Variants in RASAL2 observed in about 807,000 individuals in gnomAD.
RASAL2 encodes the protein RAS protein activator like 2, also known as ras GTPase-activating protein nGAP.
RASAL2 carries 58 observed loss-of-function variants against 128.9 expected under a neutral mutation model. The observed-to-expected ratio is 0.45, with a 90% CI of 0.36 to 0.56. The LOEUF is 0.56. Ranked by LOEUF, RASAL2 falls within the 20% of genes least tolerant of loss-of-function variation. RASAL2 has a pLI of 0.00. For synonymous variants in RASAL2, 561 were observed against 580.8 expected, an observed-to-expected ratio of 0.97 and a Z score of 0.49; for missense variants, 1,360 against 1,601.6, an observed-to-expected ratio of 0.85 and a Z score of 2.57.
At chr1:178,299,067 C>T (rs951114908) in intron 2 of RASAL2, among the ~76,000 whole-genome samples, 3 of 151,742 alleles carry the variant, frequency 2.0e-5, no homozygotes, top group East Asian at 1.9e-4. Context: ...TGCAAATAAC[C>T]GCTTGATATG....
chr1:178,097,886 C>T (rs1189517458), intron 1 of RASAL2, among the ~76,000 whole-genome samples: 1 of 152,040 alleles, frequency 6.6e-6, no homozygotes, highest in Non-Finnish European at 1.5e-5. Context: ...TGTCATAATA[C>T]GTATACTCAG....
At chr1:178,328,925 C>T (rs1669163669) in intron 3 of RASAL2, among the ~76,000 whole-genome samples, 1 of 152,156 alleles carries the variant, frequency 6.6e-6, no homozygotes, top group Admixed American at 6.5e-5. Context: ...TCTTCCTCTC[C>T]CCAGCTATAT....
At position 178,445,661 on chromosome 1, in the gene RASAL2, G is replaced by A; in HGVS notation, c.1626G>A (p.Leu542=). The change falls in exon 9 of 18, where the codon CTG becomes CTA. Residue 542 remains leucine (L), a splice_region_variant and synonymous_variant. Transcript: ENST00000367649. ...GACAACAGTATCTTCATGACGCACT[G>A]GGTATGAAAGAGAAAAACATCTATT... ...LVGQQYLHDA[L]GEFIKALYES... is the part of the protein sequence containing the mutation. 6.3e-7 allele frequency: 1 copy of A among 1,598,446 alleles called. No individual in the cohort carries two copies. The highest frequency in any genetic ancestry group is 8.5e-7 in the Non-Finnish European group (1 of 1,174,086).
At chr1:178,242,599 C>T (rs1359322952) in intron 1 of RASAL2, among the ~76,000 whole-genome samples, 1 of 151,960 alleles carries the variant, frequency 6.6e-6, no homozygotes, top group Non-Finnish European at 1.5e-5. Context: ...ATGCCTGGCC[C>T]ACTTACATTC....
intron 2 of RASAL2, among the ~76,000 whole-genome samples, chr1:178,294,410 C>T (rs1243856963): frequency 6.6e-6 from 1 of 152,160 alleles, no homozygotes; most frequent in Non-Finnish European, 1.5e-5. Flanking sequence ...CATTTTGGAA[C>T]TATTATGATA....
chr1:178,272,087 G>T (rs1157435427), intron 1 of RASAL2, among the ~76,000 whole-genome samples: 1 of 152,050 alleles, frequency 6.6e-6, no homozygotes. Context: ...GTGTTTATCA[G>T]AATTATTTTA....
chr1:178,192,666 C>T (rs899527176), intron 1 of RASAL2, among the ~76,000 whole-genome samples: 1 of 152,088 alleles, frequency 6.6e-6, no homozygotes, highest in East Asian at 1.9e-4. Context: ...AAGGTAGAAA[C>T]GAGTCTAAAA....
In RASAL2 at chr1:178,423,708, A is replaced by G. The variant is rs567652168; in HGVS notation, c.674+3088A>G. Among the ~76,000 whole-genome samples, 4 of 152,138 alleles carry G rather than the reference A, an allele frequency of 2.6e-5. No individual in the cohort carries two copies. The East Asian group carries it at 7.7e-4, about 29-fold the overall frequency. ...TTACTGTGTATTGCCTCTCTAAAAGATGGGATGGGGGGGGATTTCTTTGTT... is the reference window on the plus strand; with the variant it reads ...TTACTGTGTATTGCCTCTCTAAAAGGTGGGATGGGGGGGGATTTCTTTGTT... On this transcript the variant is annotated intron_variant, in intron 5 of 17. Transcript: ENST00000367649.
chr1:178,428,335 T>G (rs1675660249), intron 5 of RASAL2, among the ~76,000 whole-genome samples: 1 of 152,018 alleles, frequency 6.6e-6, no homozygotes, highest in Non-Finnish European at 1.5e-5. Context: ...TGTACATGTT[T>G]AGGTTTGTAA....
chr1:178,334,525 T>A (rs565730912), intron 3 of RASAL2, among the ~76,000 whole-genome samples: 3 of 151,976 alleles, frequency 2.0e-5, no homozygotes, highest in South Asian at 4.2e-4. Flanking sequence ...TTTTAATAGA[T>A]AGAATCAGGG....
intron 3 of RASAL2, among the ~76,000 whole-genome samples, chr1:178,303,700 C>T (rs1391086336): frequency 6.6e-6 from 1 of 151,418 alleles, no homozygotes; most frequent in Non-Finnish European, 1.5e-5. Context: ...AAAAGGCAAA[C>T]CACAGAGTAG....
At chr1:178,456,590 C>A in intron 12 of RASAL2, 131 bp from the exon 13 acceptor site, 1 of 924,188 alleles carries the variant, frequency 1.1e-6, no homozygotes, top group Non-Finnish European at 1.8e-6. Context: ...ACCTGCCACT[C>A]CCATATGCAA....
Position 178,381,104 on chromosome 1 carries a change from T to C in RASAL2, c.458-8996T>C, listed in dbSNP as rs147946322. 1.3e-4 allele frequency among the ~76,000 whole-genome samples: 20 copies of C among 152,188 alleles called. No homozygotes were observed. The East Asian group carries it at 3.7e-3, about 28-fold the overall frequency. ...TTAGAGATCATCTGACTGAGGCAAA[T>C]TGTAGAAAACTGTTGGCAGAAAGGA... On this transcript the variant is annotated intron_variant, in intron 3 of 17. Transcript: ENST00000367649.
intron 6 of RASAL2, 43 bp from the exon 7 acceptor site, chr1:178,441,506 A>G (rs1676649140): frequency 6.9e-7 from 1 of 1,438,922 alleles, no homozygotes; most frequent in Admixed American, 1.7e-5. Flanking sequence ...GAGCCCTGAA[A>G]TCCAGTGTTT....
intron 1 of RASAL2, among the ~76,000 whole-genome samples, chr1:178,182,608 A>G (rs1662153421): frequency 6.6e-6 from 1 of 152,178 alleles, no homozygotes; most frequent in Admixed American, 6.5e-5. Context: ...ATCCATTACT[A>G]TCTGGATCAT....
intron 1 of RASAL2, among the ~76,000 whole-genome samples, chr1:178,106,370 C>T (rs1659090222): frequency 6.6e-6 from 1 of 152,066 alleles, no homozygotes; most frequent in African/African-American, 2.4e-5. Context: ...CTGTGTACAA[C>T]TTTATGTGTA....
At chr1:178,243,139 A>G (rs1017421706) in intron 1 of RASAL2, among the ~76,000 whole-genome samples, 13 of 152,126 alleles carry the variant, frequency 8.5e-5, no homozygotes, top group Admixed American at 2.0e-4. Context: ...GAGTTGCCCT[A>G]CTCAAGTTTA....
chr1:178,263,411 A>G (rs1332173743), intron 1 of RASAL2, among the ~76,000 whole-genome samples: 2 of 152,224 alleles, frequency 1.3e-5, no homozygotes, highest in East Asian at 3.8e-4. Context: ...AGCTCTAAGA[A>G]GTTAAGTATC....
At chr1:178,368,971 G>C (rs1671556853) in intron 3 of RASAL2, among the ~76,000 whole-genome samples, 2 of 151,958 alleles carry the variant, frequency 1.3e-5, no homozygotes, top group Non-Finnish European at 2.9e-5. Context: ...TGATGCTCTT[G>C]ACTCACATTT....
Sources: allele counts gnomAD v4.1 joint callset (sites outside exome capture counted in the v4.1 genomes callset), GRCh38; gene constraint gnomAD v4.1.1; transcripts MANE v1.5; gene names NCBI Gene and HGNC (gene_info 2026-07-23, HGNC 2026-07-21).